Variants in TAF5L observed in about 807,000 individuals in gnomAD.
The protein encoded by TAF5L is TATA-box binding protein associated factor 5 like.
Under a neutral mutation model 51.3 loss-of-function variants are expected in TAF5L, and 7 were observed. That is an observed-to-expected ratio of 0.14 (90% CI 0.08 to 0.26). The LOEUF is 0.26. Among genes scored for constraint, TAF5L ranks in the 10% least tolerant of loss-of-function variants. The pLI is 1.00. For missense variants in TAF5L, 575 were observed against 758.9 expected (o/e 0.76, Z 2.85); for synonymous variants, 291 against 308.1 (o/e 0.94, Z 0.58).
intron 3 of TAF5L, among the ~76,000 whole-genome samples, chr1:229,604,004 T>C (rs1209367457): frequency 1.3e-5 from 2 of 152,234 alleles, no homozygotes; most frequent in African/African-American, 4.8e-5. Context: ...CTCAGTGTTA[T>C]TTTCAACTTG....
intron 2 of TAF5L, 189 bp downstream of exon 2, chr1:229,614,152 G>C: frequency 1.1e-6 from 1 of 879,956 alleles, no homozygotes; most frequent in Non-Finnish European, 1.8e-6. Context: ...GTGACAATGT[G>C]AGCACCGCTC....
chr1:229,601,313 A>T, intron 4 of TAF5L: 1 of 985,410 alleles, frequency 1.0e-6, no homozygotes, highest in African/African-American at 1.7e-5. Context: ...ATTATTCAAC[A>T]TTGTGTAAAG....
chr1:229,600,048 AT>A (rs1176586505), intron 4 of TAF5L: 15 of 977,722 alleles, frequency 1.5e-5, no homozygotes, highest in Non-Finnish European at 1.6e-5. Flanking sequence ...TCTCTATTTT[AT>A]TTTTTTTAAT....
intron 3 of TAF5L, among the ~76,000 whole-genome samples, chr1:229,603,863 G>GACAGCAGGGCC (rs1664482064): frequency 6.6e-6 from 1 of 152,252 alleles, no homozygotes; most frequent in Admixed American, 6.5e-5. Flanking sequence ...ACAGTGGGGA[G>GACAGCAGGGCC]ACAGCAGGGC....
intron 1 of TAF5L, among the ~76,000 whole-genome samples, chr1:229,620,405 T>C (rs1259288884): frequency 6.6e-6 from 1 of 152,204 alleles, no homozygotes; most frequent in Non-Finnish European, 1.5e-5. Flanking sequence ...CTTCCACCTT[T>C]AGGCCCTCCT....
chr1:229,618,427 T>C (rs776481601), intron 1 of TAF5L, among the ~76,000 whole-genome samples: 4 of 152,246 alleles, frequency 2.6e-5, no homozygotes, highest in Non-Finnish European at 4.4e-5. Context: ...TTTGACACAA[T>C]GTATATCTAT....
intron 4 of TAF5L, chr1:229,601,437 G>A (rs1664368479): frequency 3.0e-6 from 3 of 985,442 alleles, no homozygotes; most frequent in Non-Finnish European, 3.6e-6. Context: ...AGTTAATGCT[G>A]TGAAGTTTAA....
chr1:229,615,243 A>G (rs1664937843), intron 1 of TAF5L, among the ~76,000 whole-genome samples: 1 of 151,852 alleles, frequency 6.6e-6, no homozygotes, highest in African/African-American at 2.4e-5. Flanking sequence ...ACCCACCACC[A>G]CGCCCAGCTA....
chr1:229,605,806 T>C (rs974711521), intron 3 of TAF5L, among the ~76,000 whole-genome samples: 6 of 152,204 alleles, frequency 3.9e-5, no homozygotes, highest in Admixed American at 2.0e-4. Context: ...CAACACTAAC[T>C]CTTTCCTGGG....
intron 3 of TAF5L, among the ~76,000 whole-genome samples, chr1:229,609,135 G>A (rs904749827): frequency 5.9e-5 from 9 of 152,228 alleles, no homozygotes; most frequent in East Asian, 1.9e-4. Flanking sequence ...TATGGTCCCC[G>A]CCCTCATGGA....
chr1:229,608,391 CTATTA>C (rs772918221), intron 3 of TAF5L, among the ~76,000 whole-genome samples: 7 of 151,886 alleles, frequency 4.6e-5, no homozygotes, highest in Non-Finnish European at 8.8e-5. Context: ...TAAAATGACT[CTATTA>C]TGTTTGAAAA....
At chr1:229,607,298 T>A (rs1664631538) in intron 3 of TAF5L, 1 of 985,274 alleles carries the variant, frequency 1.0e-6, no homozygotes, top group African/African-American at 1.7e-5. Flanking sequence ...CTTTCTCACC[T>A]CATTTCTCAA....
chr1:229,610,034 G>T, intron 3 of TAF5L, 72 bp downstream of exon 3: 1 of 1,286,866 alleles, frequency 7.8e-7, no homozygotes, highest in Non-Finnish European at 1.1e-6. Flanking sequence ...TAACTCACAA[G>T]CAGTGTGCCC....
In TAF5L at chr1:229,625,630, T is replaced by C; in HGVS notation, c.-4+255A>G. Among the ~76,000 whole-genome samples, 1 of 151,054 alleles carries C rather than the reference T, an allele frequency of 6.6e-6. No homozygotes were observed. The highest frequency in any genetic ancestry group is 1.5e-5 in the Non-Finnish European group (1 of 67,690). ...CAGGAACGCGACGCCAGTCCAGGTG[T>C]AGCCGCCGACTGCAGGCCACGCCGC... On this transcript the variant is annotated intron_variant, in intron 1 of 4. Transcript: ENST00000258281. The surrounding 1 kb of genome is among the most constrained non-coding windows in gnomAD (Gnocchi z 4.0).
intron 3 of TAF5L, 122 bp from the exon 4 acceptor site, chr1:229,603,041 C>T (rs752712077): frequency 3.5e-6 from 5 of 1,425,374 alleles, no homozygotes; most frequent in Middle Eastern, 2.6e-4. Flanking sequence ...TTTAAGAGTA[C>T]TGATTGAACT....
chr1:229,605,909 C>G (rs1664579718), intron 3 of TAF5L, among the ~76,000 whole-genome samples: 1 of 152,200 alleles, frequency 6.6e-6, no homozygotes, highest in African/African-American at 2.4e-5. Flanking sequence ...ACATATCCAT[C>G]CTGTTGGCTC....
At chr1:229,603,344 T>C (rs1048336503) in intron 3 of TAF5L, among the ~76,000 whole-genome samples, 10 of 152,212 alleles carry the variant, frequency 6.6e-5, no homozygotes, top group African/African-American at 2.4e-4. Flanking sequence ...TTTTTTAATG[T>C]GATGATAATA....
rs746830768 is a variant in TAF5L, at chr1:229,602,776, C to G, written c.391G>C (p.Ala131Pro). ...TGCTCAATGACATCCTTCTGGCTAG[C>G]ATTCTGCAGAAACATTCCATGGAAG... Residue 131 changes from alanine to proline, a missense_variant, in exon 4 of 5, where the codon GCT becomes CCT. By Grantham distance (27) the Ala-to-Pro change is conservative (BLOSUM62 -1). Around this residue, in one of 3 missense-constraint regions of TAF5L, gnomAD observed 380 missense variants for 443.7 expected, o/e 0.86. Transcript: ENST00000258281. The surrounding 1 kb of genome is among the most constrained non-coding windows in gnomAD (Gnocchi z 4.6). 6.2e-7 allele frequency: 1 copy of G among 1,614,154 alleles called. No individual in the cohort carries two copies. Among genetic ancestry groups the G allele is most frequent in the East Asian group, 2.2e-5 (1 of 44,878 alleles).
chr1:229,610,470 G>A (rs1291412902), intron 2 of TAF5L, among the ~76,000 whole-genome samples: 2 of 152,212 alleles, frequency 1.3e-5, no homozygotes, highest in Non-Finnish European at 2.9e-5. Flanking sequence ...GAATGAGAGA[G>A]GACAGGTACA....
Sources: gnomAD v4.1 joint callset for allele counts (sites outside exome capture counted in the v4.1 genomes callset) on GRCh38, gnomAD v4.1.1 for gene constraint, gnomAD v4.1.1 regional missense constraint, Gnocchi (gnomAD v3.1) non-coding constraint, MANE v1.5 for transcripts, NCBI Gene and HGNC (gene_info 2026-07-23, HGNC 2026-07-21) for gene names.